The following ROBO2 variants were observed in gnomAD, a reference collection of about 807,000 sequenced individuals.
ROBO2 encodes roundabout homolog 2.
Under a neutral mutation model 160.8 loss-of-function variants are expected in ROBO2, and 53 were observed. That is an observed-to-expected ratio of 0.33 (90% confidence interval 0.26 to 0.41). The LOEUF (loss-of-function observed/expected upper bound fraction) is 0.41. Among genes scored for constraint, ROBO2 ranks in the 10% least tolerant of loss-of-function variants. The pLI, the probability that ROBO2 is intolerant of heterozygous loss-of-function variation, is 1.00. For synonymous variants in ROBO2, 664 were observed against 611.7 expected, an observed-to-expected ratio of 1.09 and a Z score of -1.26; for missense variants, 1,577 against 1,722.4, an observed-to-expected ratio of 0.92 and a Z score of 1.49.
intron 2 of ROBO2, among the ~76,000 whole-genome samples, chr3:76,224,750 T>TTCC (rs1704182136): frequency 6.6e-6 from 1 of 152,210 alleles, no homozygotes; most frequent in Non-Finnish European, 1.5e-5. Flanking sequence ...CCTGTTCTTC[T>TTCC]AGACTCAGCT....
chr3:76,371,519 T>C (rs2076099901), intron 2 of ROBO2, among the ~76,000 whole-genome samples: 1 of 151,902 alleles, frequency 6.6e-6, no homozygotes, highest in African/African-American at 2.4e-5. Context: ...TAATTGTATA[T>C]GAGTCTTTGC....
intron 2 of ROBO2, among the ~76,000 whole-genome samples, chr3:77,334,401 A>G (rs548311535): frequency 1.3e-5 from 2 of 152,300 alleles, no homozygotes; most frequent in South Asian, 4.1e-4. Flanking sequence ...CTTTCCTCAT[A>G]CAATCCAATC....
chr3:76,576,706 T>C lies in ROBO2; in HGVS notation c.110-521308T>C, dbSNP rs1314419704. 2.5e-4 allele frequency among the ~76,000 whole-genome samples: 35 copies of C among 137,886 alleles called. 1 individual carries two copies. The South Asian group carries it at 2.7e-3, about 11-fold the overall frequency. The allele number at this position is 137,886 out of a possible 152,430, so 90.5% of individuals were successfully genotyped here. A position where few individuals can be genotyped will look rare whatever the true frequency, so the allele number is the denominator to read the frequency against. On this transcript the variant is annotated intron_variant, in intron 2 of 26. Transcript: ENST00000487694. Reference sequence around the variant, plus strand: ...CAGTTTAAATCATTTTCTTTCTTTTTTTTTTTTTTTTTTTTTGACAGAGAT... The same window carrying C: ...CAGTTTAAATCATTTTCTTTCTTTTCTTTTTTTTTTTTTTTTGACAGAGAT...
intron 2 of ROBO2, among the ~76,000 whole-genome samples, chr3:76,342,666 C>T (rs1440815723): frequency 6.6e-6 from 1 of 152,006 alleles, no homozygotes; most frequent in Non-Finnish European, 1.5e-5. Context: ...TATATGCTAG[C>T]CATGCTAGCA....
chr3:76,820,711 T>C (rs2066049797), intron 2 of ROBO2, among the ~76,000 whole-genome samples: 1 of 151,956 alleles, frequency 6.6e-6, no homozygotes, highest in African/African-American at 2.4e-5. Flanking sequence ...TTGAGGTGGA[T>C]TGAAGTATGA....
intron 2 of ROBO2, among the ~76,000 whole-genome samples, chr3:77,235,595 T>G (rs1452271176): frequency 6.6e-6 from 1 of 152,192 alleles, no homozygotes; most frequent in Non-Finnish European, 1.5e-5. Context: ...AATAATAAAT[T>G]CAACTATATA....
intron 12 of ROBO2, among the ~76,000 whole-genome samples, chr3:77,566,627 G>C (rs142064265): frequency 1.9e-3 from 295 of 152,154 alleles, no homozygotes; most frequent in Middle Eastern, 6.8e-3. Flanking sequence ...AGACCTTTTT[G>C]ATCATTCGAT....
intron 2 of ROBO2, chr3:76,435,344 T>C: frequency 1.2e-6 from 1 of 809,484 alleles, no homozygotes; most frequent in Non-Finnish European, 2.2e-6. Flanking sequence ...GCGGTGACTT[T>C]AATGAATTCC....
intron 2 of ROBO2, among the ~76,000 whole-genome samples, chr3:76,769,753 G>T (rs2061777347): frequency 1.3e-5 from 2 of 151,404 alleles, no homozygotes; most frequent in African/African-American, 2.4e-5. Flanking sequence ...TGATGTTTCA[G>T]TGTACAGACA....
At chr3:76,650,584 A>C (rs1357454941) in intron 2 of ROBO2, among the ~76,000 whole-genome samples, 1 of 151,882 alleles carries the variant, frequency 6.6e-6, no homozygotes, top group African/African-American at 2.4e-5. Flanking sequence ...AACAGGTGAA[A>C]GTTCTTGACA....
At chr3:76,986,446 TA>T (rs1280070587) in intron 2 of ROBO2, among the ~76,000 whole-genome samples, 2 of 152,104 alleles carry the variant, frequency 1.3e-5, no homozygotes, top group African/African-American at 4.8e-5. Context: ...TAAACACAGG[TA>T]ACCGTGTCTT....
At chr3:76,474,934 A>C (rs142029781) in intron 2 of ROBO2, among the ~76,000 whole-genome samples, 17 of 152,192 alleles carry the variant, frequency 1.1e-4, no homozygotes, top group Non-Finnish European at 2.1e-4. Context: ...TTCTCATGGC[A>C]ACGTCAGAAA....
chr3:76,324,311 T>C (rs1379312366), intron 2 of ROBO2, among the ~76,000 whole-genome samples: 2 of 152,242 alleles, frequency 1.3e-5, no homozygotes, highest in Non-Finnish European at 2.9e-5. Context: ...GATGCTCTTC[T>C]AGAACTGAAG....
rs1270856196 is a variant in ROBO2, at chr3:76,149,647, A to C, written c.109+212045A>C. On this transcript the variant is annotated intron_variant, in intron 2 of 26. Transcript: ENST00000487694. ...ATCTGTCTAAAGCACACATCTGTCTAAAGCACACATCATCTGTCTAAAACA... is the reference window on the plus strand; with the variant it reads ...ATCTGTCTAAAGCACACATCTGTCTCAAGCACACATCATCTGTCTAAAACA... Among the ~76,000 whole-genome samples the C allele has an allele frequency of 1.5e-5, 2 of 129,748 alleles. 1 individual carries two copies. Among genetic ancestry groups the C allele is most frequent in the African/African-American group, 5.2e-5 (2 of 38,432 alleles). The allele number at this position is 129,748 out of a possible 152,430, so 85.1% of individuals were successfully genotyped here. A position where few individuals can be genotyped will look rare whatever the true frequency, so the allele number is the denominator to read the frequency against.
At chr3:76,892,891 G>T (rs2074457518) in intron 2 of ROBO2, among the ~76,000 whole-genome samples, 1 of 151,902 alleles carries the variant, frequency 6.6e-6, no homozygotes, top group Non-Finnish European at 1.5e-5. Flanking sequence ...TGATTATTTT[G>T]CTTGTTAATT....
intron 2 of ROBO2, among the ~76,000 whole-genome samples, chr3:77,336,988 T>G (rs2066561107): frequency 6.6e-6 from 1 of 152,130 alleles, no homozygotes; most frequent in South Asian, 2.1e-4. Context: ...TCAACAAATA[T>G]CTGGAAATAA....
chr3:76,390,347 CTA>C (rs970399435), intron 2 of ROBO2, among the ~76,000 whole-genome samples: 1 of 151,820 alleles, frequency 6.6e-6, no homozygotes, highest in East Asian at 1.9e-4. Flanking sequence ...AATATAATAA[CTA>C]TATATATAAA....
chr3:77,174,806 C>T (rs972749575), intron 2 of ROBO2, among the ~76,000 whole-genome samples: 3 of 151,902 alleles, frequency 2.0e-5, no homozygotes, highest in African/African-American at 7.2e-5. Context: ...ATCTTAAACA[C>T]AGGAGAGTAT....
chr3:76,426,658 G>C (rs1004253884), intron 2 of ROBO2, among the ~76,000 whole-genome samples: 9 of 152,012 alleles, frequency 5.9e-5, no homozygotes, highest in Admixed American at 5.2e-4. Context: ...TGAAAGGGGT[G>C]ATTTTTATTG....
Sources: gnomAD v4.1 joint callset for allele counts (sites outside exome capture counted in the v4.1 genomes callset) on GRCh38, gnomAD v4.1.1 for gene constraint, MANE v1.5 for transcripts, NCBI Gene and HGNC (gene_info 2026-07-23, HGNC 2026-07-21) for gene names.